SH3RF3: variants seen among roughly 807,000 people sequenced by gnomAD.
SH3RF3 encodes the protein SH3 domain containing ring finger 3, also known as E3 ubiquitin-protein ligase SH3RF3.
Under a neutral mutation model 66.3 loss-of-function variants are expected in SH3RF3, and 29 were observed. The ratio of observed to expected loss-of-function variants is 0.44; its 90% CI spans 0.33 to 0.60. SH3RF3 has a LOEUF of 0.60. SH3RF3 is among the 20% of genes least tolerant of loss of function. The probability of loss-of-function intolerance (pLI) is 0.04; values close to 1 mark genes in which losing one functional copy is unlikely to be tolerated. For synonymous variants in SH3RF3, 583 were observed against 532.0 expected (o/e 1.10, Z -1.32); for missense variants, 1,194 against 1,190.9 (o/e 1.00, Z -0.04).
Position 109,344,953 on chromosome 2 carries a change from A to G in SH3RF3, c.574-2721A>G, listed in dbSNP as rs562277312. On this transcript the variant is annotated intron_variant, in intron 1 of 9. Coordinates refer to ENST00000309415, the MANE Select transcript of SH3RF3 (RefSeq NM_001099289.3). ...AGGTTGATTTGAGAGCCACTGGCAC[A>G]GAGGCAGGTTTAGCTGGGGTCTGCA... Among the ~76,000 whole-genome samples, 42 of 152,324 alleles carry G rather than the reference A, an allele frequency of 2.8e-4. No homozygotes were observed. In the South Asian group the frequency reaches 8.7e-3, roughly 32 times the overall value.
intron 1 of SH3RF3, among the ~76,000 whole-genome samples, chr2:109,309,932 C>T (rs1462358911): frequency 2.4e-5 from 3 of 123,208 alleles, no homozygotes; most frequent in African/African-American, 4.1e-5. Context: ...GACAGATCAA[C>T]GAGACAGAAA....
chr2:109,394,404 G>C (rs1485875023), intron 3 of SH3RF3, among the ~76,000 whole-genome samples: 1 of 152,120 alleles, frequency 6.6e-6, no homozygotes, highest in East Asian at 1.9e-4. Flanking sequence ...CACCCCATCC[G>C]GTTTCATGTT....
intron 8 of SH3RF3, among the ~76,000 whole-genome samples, chr2:109,476,799 T>G (rs572109809): frequency 6.6e-6 from 1 of 152,308 alleles, no homozygotes; most frequent in Admixed American, 6.5e-5. Flanking sequence ...TATGGTTGTT[T>G]CTTGATGATA....
intron 1 of SH3RF3, among the ~76,000 whole-genome samples, chr2:109,271,055 G>T (rs1387150022): frequency 6.6e-6 from 1 of 152,208 alleles, no homozygotes; most frequent in Non-Finnish European, 1.5e-5. Flanking sequence ...GTATACATTA[G>T]TCTAAGGCGG....
intron 1 of SH3RF3, among the ~76,000 whole-genome samples, chr2:109,285,527 G>T (rs1366827945): frequency 1.3e-5 from 2 of 152,206 alleles, no homozygotes; most frequent in Admixed American, 6.5e-5. Context: ...TGGACTGCAG[G>T]GCAATCGCTT....
intron 3 of SH3RF3, among the ~76,000 whole-genome samples, chr2:109,393,706 G>T (rs887734703): frequency 1.3e-5 from 2 of 151,810 alleles, no homozygotes; most frequent in Admixed American, 1.3e-4. Flanking sequence ...AAGCCCTGTC[G>T]CTCAGTGCTG....
rs978803032 is a variant in SH3RF3, at chr2:109,181,079, C to T, written c.573+50966C>T. ...GCACACACAGTACTCACAGACCCTC[C>T]GTCAGCATGAGCATGTGGAGGTGGT... On this transcript the variant is annotated intron_variant, in intron 1 of 9. Coordinates refer to ENST00000309415, the MANE Select transcript of SH3RF3 (RefSeq NM_001099289.3). 1.5e-4 allele frequency among the ~76,000 whole-genome samples: 23 copies of T among 152,296 alleles called. No homozygotes were observed. The Middle Eastern group carries it at 0.027, about 180-fold the overall frequency.
chr2:109,288,794 CAGG>C (rs1448070819), intron 1 of SH3RF3, among the ~76,000 whole-genome samples: 4 of 152,206 alleles, frequency 2.6e-5, no homozygotes, highest in Non-Finnish European at 5.9e-5. Context: ...AAAGCTACTA[CAGG>C]AGGACTCAAA....
At chr2:109,381,188 C>T (rs1472693419) in intron 3 of SH3RF3, among the ~76,000 whole-genome samples, 2 of 152,198 alleles carry the variant, frequency 1.3e-5, no homozygotes, top group Non-Finnish European at 2.9e-5. Flanking sequence ...AGTGTGTCAG[C>T]CTAGGGGCAG....
Position 109,262,235 on chromosome 2 carries a change from C to T in SH3RF3, c.574-85439C>T, listed in dbSNP as rs557582578. 2.0e-5 allele frequency among the ~76,000 whole-genome samples: 3 copies of T among 152,310 alleles called. No individual in the cohort carries two copies. The East Asian group carries it at 5.8e-4, about 29-fold the overall frequency. On this transcript the variant is annotated intron_variant, in intron 1 of 9. Transcript: ENST00000309415. ...CCAACATCATGATTCTGCATTTAACCATCTGAGGCTTGAAAGCTTGGAGAG... is the reference window on the plus strand; with the variant it reads ...CCAACATCATGATTCTGCATTTAACTATCTGAGGCTTGAAAGCTTGGAGAG...
At chr2:109,399,359 G>C (rs1223581130) in intron 4 of SH3RF3, among the ~76,000 whole-genome samples, 2 of 152,134 alleles carry the variant, frequency 1.3e-5, no homozygotes, top group Non-Finnish European at 2.9e-5. Flanking sequence ...AGGAGTCAGA[G>C]CTCAGAATCA....
intron 1 of SH3RF3, among the ~76,000 whole-genome samples, chr2:109,197,950 A>G (rs918866695): frequency 1.3e-5 from 2 of 152,236 alleles, no homozygotes; most frequent in Admixed American, 1.3e-4. Flanking sequence ...GTTATTTGGC[A>G]TCTGGGTGAG....
At chr2:109,170,235 TTCTTTTCTTTTCTCTTCTCTTCTCTTCTC>T (rs1558938051) in intron 1 of SH3RF3, among the ~76,000 whole-genome samples, 129 of 37,888 alleles carry the variant, frequency 3.4e-3, no homozygotes, top group African/African-American at 0.014. Context: ...TTCTCTTCTC[TTCTTTTCTTTTCTCTTCTCTTCTCTTCTC>T]TTCTCTTCTC....
At chr2:109,144,717 C>T (rs936072093) in intron 1 of SH3RF3, among the ~76,000 whole-genome samples, 7 of 152,224 alleles carry the variant, frequency 4.6e-5, no homozygotes, top group Non-Finnish European at 7.3e-5. Flanking sequence ...CTCCCAGGCC[C>T]ACCTCCAGCT....
chr2:109,197,018 G>A (rs1678519560), intron 1 of SH3RF3, among the ~76,000 whole-genome samples: 1 of 152,220 alleles, frequency 6.6e-6, no homozygotes, highest in Admixed American at 6.5e-5. Context: ...CCATAGCCCT[G>A]TGAGTGGGTG....
Position 109,371,698 on chromosome 2 carries a change from C to T in SH3RF3, c.945+17C>T, listed in dbSNP as rs569878562. ...TACGTGGAGGTAAGACCGTGCCGCC[C>T]TCCCACACTTGGCTCCTTCTTGCCC... On this transcript the variant is annotated intron_variant, in intron 3 of 9. Transcript: ENST00000309415. 3 of 1,609,552 alleles carry T rather than the reference C, an allele frequency of 1.9e-6. No homozygotes were observed. Among genetic ancestry groups the T allele is most frequent in the Non-Finnish European group, 2.5e-6 (3 of 1,177,340 alleles).
At chr2:109,488,553 C>T (rs1679041327) in intron 8 of SH3RF3, among the ~76,000 whole-genome samples, 1 of 152,198 alleles carries the variant, frequency 6.6e-6, no homozygotes, top group Non-Finnish European at 1.5e-5. Flanking sequence ...CACTCCCTGC[C>T]CCCAGGCACC....
At chr2:109,471,381 G>A (rs1678503967) in intron 8 of SH3RF3, among the ~76,000 whole-genome samples, 2 of 152,154 alleles carry the variant, frequency 1.3e-5, no homozygotes, top group African/African-American at 4.8e-5. Flanking sequence ...GGAGAGAGAA[G>A]AGAAAGTGAA....
rs1377738170 is a variant in SH3RF3 at position 109,362,155 on chromosome 2, A to G, written c.850-9431A>G. Among the ~76,000 whole-genome samples the G allele has an allele frequency of 1.3e-5, 2 of 151,920 alleles. 1 individual carries two copies. The highest frequency in any genetic ancestry group is 6.3e-3 in the Middle Eastern group (2 of 316). ...CTAGTGTCCTAAAGTGAAGATTTAG[A>G]TTATTTATTTTAGATCTTCCTTCTT... On this transcript the variant is annotated intron_variant, in intron 2 of 9. Coordinates refer to ENST00000309415, the MANE Select transcript of SH3RF3 (RefSeq NM_001099289.3).
Sources: allele counts gnomAD v4.1 joint callset (sites outside exome capture counted in the v4.1 genomes callset), GRCh38; gene constraint gnomAD v4.1.1; transcripts MANE v1.5; gene names NCBI Gene and HGNC (gene_info 2026-07-23, HGNC 2026-07-21).